Variants in EXT2 observed in about 807,000 individuals in gnomAD.
EXT2 encodes the protein exostosin glycosyltransferase 2.
In EXT2, 53 loss-of-function variants were observed where a neutral mutation model predicts 81.6. The observed-to-expected ratio is 0.65, with a 90% CI of 0.52 to 0.82. The LOEUF is 0.82. EXT2 is among the 40% of genes least tolerant of loss of function. EXT2 has a pLI of 0.00. For synonymous variants in EXT2, 320 were observed against 340.0 expected (o/e 0.94, Z 0.65); for missense variants, 774 against 910.2 (o/e 0.85, Z 1.93).
At chr11:44,147,651 C>T (rs1954736377) in intron 7 of EXT2, among the ~76,000 whole-genome samples, 1 of 151,976 alleles carries the variant, frequency 6.6e-6, no homozygotes, top group Non-Finnish European at 1.5e-5. Context: ...AGCTCCGCCT[C>T]CCGGGTTCAC....
chr11:44,110,606 AT>A (rs530084285), intron 3 of EXT2, among the ~76,000 whole-genome samples: 1 of 151,990 alleles, frequency 6.6e-6, no homozygotes, highest in South Asian at 2.1e-4. Flanking sequence ...CCAGTTCTGG[AT>A]TTTTTTTCAG....
intron 3 of EXT2, among the ~76,000 whole-genome samples, chr11:44,112,780 G>A (rs567773701): frequency 3.9e-5 from 6 of 152,272 alleles, no homozygotes; most frequent in African/African-American, 1.4e-4. Context: ...TTGGGGCCCC[G>A]GGGACAGAAT....
intron 9 of EXT2, among the ~76,000 whole-genome samples, chr11:44,201,197 T>C (rs1053975218): frequency 6.6e-6 from 1 of 152,188 alleles, no homozygotes; most frequent in African/African-American, 2.4e-5. Context: ...AAGACCCCAT[T>C]TAGGCTAAGC....
At chr11:44,175,909 G>A (rs1049225794) in intron 8 of EXT2, among the ~76,000 whole-genome samples, 3 of 152,192 alleles carry the variant, frequency 2.0e-5, no homozygotes, top group African/African-American at 7.2e-5. Context: ...TCTGTAAAGT[G>A]GTTGTAATGA....
chr11:44,235,729 A>G (rs1334506495), intron 12 of EXT2, among the ~76,000 whole-genome samples: 1 of 152,108 alleles, frequency 6.6e-6, no homozygotes, highest in Non-Finnish European at 1.5e-5. Context: ...TGAGTTTGCT[A>G]GGGAGATCGC....
intron 13 of EXT2, among the ~76,000 whole-genome samples, chr11:44,243,618 C>CTTTTTTTTTTTTT (rs1215047805): frequency 5.5e-5 from 4 of 72,894 alleles, no homozygotes; most frequent in Non-Finnish European, 7.7e-5. Context: ...GCCCTGTCAC[C>CTTTTTTTTTTTTT]TTTTTTTTTT....
Position 44,250,600 on chromosome 11 carries a change from C to A in EXT2, c.*6313C>A, listed in dbSNP as rs530559163. Among the ~76,000 whole-genome samples, 4 of 152,292 alleles carry A rather than the reference C, an allele frequency of 2.6e-5. No individual in the cohort carries two copies. The East Asian group carries it at 7.7e-4, about 29-fold the overall frequency. ...GATTACCAAATGAGCAGTTCTCTTG[C>A]CCCAGTCCCTTTCCTGTGCTATAAA... On this transcript the variant is annotated 3_prime_UTR_variant, in exon 14 of 14. Transcript: ENST00000533608.
chr11:44,124,913 T>G lies in EXT2; in HGVS notation c.868T>G (p.Ser290Ala), dbSNP rs1476957973. The G allele has an allele frequency of 6.2e-7, 1 of 1,614,042 alleles. No homozygotes were observed. The highest frequency in any genetic ancestry group is 1.1e-5 in the South Asian group (1 of 91,068). Reference sequence around the variant, plus strand: ...AGTACTCGATAAATGCACCAACCTCTCAGAGGGTGTCCTTTCTGTCCGTAA... The same window carrying G: ...AGTACTCGATAAATGCACCAACCTCGCAGAGGGTGTCCTTTCTGTCCGTAA... ...VLVLDKCTNL[S>A]EGVLSVRKRC... The change falls in exon 5 of 14, where the codon TCA becomes GCA. Residue 290 changes from serine to alanine, a missense_variant. This residue lies in a region of EXT2 where 626 missense variants were observed against 670.5 expected (regional missense o/e 0.93). Coordinates refer to ENST00000533608, the MANE Select transcript of EXT2 (RefSeq NM_207122.2).
At chr11:44,212,240 G>A (rs964324321) in intron 10 of EXT2, among the ~76,000 whole-genome samples, 3 of 151,478 alleles carry the variant, frequency 2.0e-5, no homozygotes, top group Admixed American at 6.6e-5. Flanking sequence ...AGCCAAGATC[G>A]CACCATTGCA....
At chr11:44,218,503 T>C (rs1008405684) in intron 10 of EXT2, among the ~76,000 whole-genome samples, 16 of 152,216 alleles carry the variant, frequency 1.1e-4, no homozygotes, top group Admixed American at 8.5e-4. Context: ...TAGAGAAGTA[T>C]ATGGTAAAAG....
Position 44,124,854 on chromosome 11 carries a change from A to C in EXT2, c.809A>C (p.Glu270Ala). 1 of 1,614,144 alleles carries C rather than the reference A, an allele frequency of 6.2e-7. No homozygotes were observed. The highest frequency in any genetic ancestry group is 8.5e-7 in the Non-Finnish European group (1 of 1,180,016). Residue 270 changes from glutamate (E) to alanine (A), a missense_variant, in exon 5 of 14, where the codon GAA becomes GCA. Glu to Ala is a moderately radical substitution (Grantham distance 107). Around this residue, in one of 2 missense-constraint regions of EXT2, gnomAD observed 626 missense variants for 670.5 expected, o/e 0.93. Transcript: ENST00000533608. ...GLHPEYREDLEALQVKHGESV... is the reference protein window; with the variant it reads ...GLHPEYREDLAALQVKHGESV... ...CATCCTGAGTACAGAGAGGACCTAG[A>C]AGCCCTCCAGGTCAAACATGGAGAG...
intron 8 of EXT2, among the ~76,000 whole-genome samples, chr11:44,193,719 A>G (rs1955421657): frequency 1.3e-5 from 2 of 152,102 alleles, no homozygotes; most frequent in Non-Finnish European, 2.9e-5. Context: ...GTTCATCTCC[A>G]CTTCTGGATT....
At chr11:44,115,555 C>T (rs1954211167) in intron 4 of EXT2, among the ~76,000 whole-genome samples, 1 of 152,066 alleles carries the variant, frequency 6.6e-6, no homozygotes, top group Admixed American at 6.6e-5. Flanking sequence ...ATAAAAGCAT[C>T]CTTTACTTGT....
chr11:44,177,672 T>G (rs1349481067), intron 8 of EXT2, among the ~76,000 whole-genome samples: 1 of 152,214 alleles, frequency 6.6e-6, no homozygotes, highest in East Asian at 1.9e-4. Flanking sequence ...TTTAAAAGAT[T>G]ATACTGCATC....
At chr11:44,160,535 T>C (rs1590607472) in intron 7 of EXT2, among the ~76,000 whole-genome samples, 2 of 152,192 alleles carry the variant, frequency 1.3e-5, no homozygotes, top group East Asian at 3.9e-4. Flanking sequence ...GGGAATACCA[T>C]GAACAAAGTA....
At chr11:44,205,755 C>CT (rs1955575248) in intron 9 of EXT2, among the ~76,000 whole-genome samples, 1 of 152,194 alleles carries the variant, frequency 6.6e-6, no homozygotes, top group South Asian at 2.1e-4. Flanking sequence ...GCCAGGAGCG[C>CT]TTTGGGACTT....
intron 10 of EXT2, among the ~76,000 whole-genome samples, chr11:44,225,094 G>A (rs767834934): frequency 7.9e-5 from 12 of 152,108 alleles, no homozygotes; most frequent in Non-Finnish European, 1.3e-4. Flanking sequence ...CTGGGTCTTA[G>A]GGAGCACAGA....
At chr11:44,170,886 A>G (rs1184485096) in intron 7 of EXT2, among the ~76,000 whole-genome samples, 10 of 151,628 alleles carry the variant, frequency 6.6e-5, no homozygotes, top group Non-Finnish European at 1.5e-5. Context: ...CCTTGCCCAG[A>G]TGGCTTCTTT....
chr11:44,243,016 G>T (rs745649484), intron 13 of EXT2, among the ~76,000 whole-genome samples: 1 of 152,210 alleles, frequency 6.6e-6, no homozygotes, highest in East Asian at 1.9e-4. Flanking sequence ...AATGGTAGTT[G>T]TTGCTTTGTG....
Sources: allele counts gnomAD v4.1 joint callset (sites outside exome capture counted in the v4.1 genomes callset), GRCh38; gene constraint gnomAD v4.1.1; regional missense constraint gnomAD v4.1.1; transcripts MANE v1.5; gene names NCBI Gene and HGNC (gene_info 2026-07-23, HGNC 2026-07-21).